Variants in MAML2 observed in about 807,000 individuals in gnomAD.
MAML2 encodes mastermind-like protein 2.
In MAML2, 22 loss-of-function variants were observed where a neutral mutation model predicts 96.1. The observed-to-expected ratio is 0.23, with a 90% CI of 0.16 to 0.33. The LOEUF is 0.33. MAML2 is among the 10% of genes least tolerant of loss of function. MAML2 has a pLI of 1.00. For synonymous variants in MAML2, 561 were observed against 521.3 expected, an observed-to-expected ratio of 1.08 and a Z score of -1.04; for missense variants, 1,367 against 1,392.4, an observed-to-expected ratio of 0.98 and a Z score of 0.29.
At chr11:96,132,144 T>C (rs1860557877) in intron 1 of MAML2, among the ~76,000 whole-genome samples, 1 of 152,326 alleles carries the variant, frequency 6.6e-6, no homozygotes, top group South Asian at 2.1e-4. Context: ...CATATTTTGT[T>C]CTCACCCATG....
At chr11:96,153,766 C>T (rs1419003690) in intron 1 of MAML2, among the ~76,000 whole-genome samples, 1 of 152,042 alleles carries the variant, frequency 6.6e-6, no homozygotes, top group African/African-American at 2.4e-5. Context: ...AAAAAATTTG[C>T]TGTGTGTGGT....
intron 1 of MAML2, among the ~76,000 whole-genome samples, chr11:96,287,009 C>A (rs781390883): frequency 6.6e-6 from 1 of 151,990 alleles, no homozygotes; most frequent in African/African-American, 2.4e-5. Context: ...CAGCCTGATG[C>A]GCTGCTCTAG....
At chr11:96,158,812 C>G (rs1448560696) in intron 1 of MAML2, among the ~76,000 whole-genome samples, 2 of 152,182 alleles carry the variant, frequency 1.3e-5, no homozygotes, top group Non-Finnish European at 2.9e-5. Flanking sequence ...GATAAGGCTT[C>G]ATCGTCCCAG....
intron 1 of MAML2, among the ~76,000 whole-genome samples, chr11:96,304,772 C>G (rs1005502302): frequency 6.6e-6 from 1 of 152,106 alleles, no homozygotes; most frequent in African/African-American, 2.4e-5. Context: ...AGAAACATAG[C>G]CCAAATCACA....
intron 2 of MAML2, among the ~76,000 whole-genome samples, chr11:96,011,467 A>C (rs1455356087): frequency 6.6e-6 from 1 of 152,212 alleles, no homozygotes; most frequent in East Asian, 1.9e-4. Context: ...TGAACACAGA[A>C]AGAAAAACCA....
intron 1 of MAML2, among the ~76,000 whole-genome samples, chr11:96,186,635 T>C (rs1861582563): frequency 6.6e-6 from 1 of 152,212 alleles, no homozygotes; most frequent in South Asian, 2.1e-4. Context: ...TGATAATTAT[T>C]TTGTGAATGT....
rs1260020087 is a variant in MAML2, at chr11:96,093,460, G to T, written c.571C>A (p.Arg191=). The change falls in exon 2 of 5, where the codon CGA becomes AGA. Residue 191 remains arginine (R), a synonymous_variant. Transcript: ENST00000524717. ...GAGTTGTCCACAAAGCCATTGGGTCGCTTGCTGTTGGCAGGAGATAGGTTA... is the reference window on the plus strand; with the variant it reads ...GAGTTGTCCACAAAGCCATTGGGTCTCTTGCTGTTGGCAGGAGATAGGTTA... ...VVNLSPANSK[R]PNGFVDNSFL... 12 of 1,613,888 alleles carry T rather than the reference G, an allele frequency of 7.4e-6. No homozygotes were observed. The highest frequency in any genetic ancestry group is 1.6e-4 in the Middle Eastern group (1 of 6,062).
chr11:96,201,823 G>T (rs1360618567), intron 1 of MAML2, among the ~76,000 whole-genome samples: 1 of 151,874 alleles, frequency 6.6e-6, no homozygotes, highest in African/African-American at 2.4e-5. Flanking sequence ...TGAGGCTGAG[G>T]CAGGAGAGTG....
rs1163317187 is a variant in MAML2, at chr11:96,342,255, G to T, written c.-360C>A. ...GTACTTTGTAAACACACGATCTGGG[G>T]GTTAGATCAAGAATTCAGGGATTGT... On this transcript the variant is annotated 5_prime_UTR_variant, in exon 1 of 5. Transcript: ENST00000524717. 9.1e-6 allele frequency: 4 copies of T among 438,652 alleles called. No homozygotes were observed. Among genetic ancestry groups the T allele is most frequent in the African/African-American group, 8.0e-5 (4 of 49,794 alleles). 27.2% of individuals were successfully genotyped at this position (438,652 alleles called of 1,614,324 possible). A position where few individuals can be genotyped will look rare whatever the true frequency, so the allele number is the denominator to read the frequency against.
At chr11:96,123,999 G>A (rs1434754990) in intron 1 of MAML2, among the ~76,000 whole-genome samples, 1 of 151,700 alleles carries the variant, frequency 6.6e-6, no homozygotes, top group Non-Finnish European at 1.5e-5. Flanking sequence ...GACCCCGGGA[G>A]GCGGAGGTTG....
chr11:96,316,262 G>A (rs1422801307), intron 1 of MAML2, among the ~76,000 whole-genome samples: 1 of 152,154 alleles, frequency 6.6e-6, no homozygotes, highest in Non-Finnish European at 1.5e-5. Flanking sequence ...GCACTCTGGT[G>A]GGTACTGCAG....
intron 1 of MAML2, among the ~76,000 whole-genome samples, chr11:96,222,615 C>T (rs117791682): frequency 0.011 from 1,685 of 152,300 alleles, 9 homozygotes; most frequent in Middle Eastern, 0.017. Context: ...GCCAAGCTTC[C>T]ATTTTGCTAC....
rs150561727 is a variant in MAML2 at position 96,097,727 on chromosome 11, C to A, written c.514-4210G>T. Among the ~76,000 whole-genome samples the A allele has an allele frequency of 3.4e-3, 519 of 152,228 alleles. 4 individuals are homozygous for A. Among genetic ancestry groups the A allele is most frequent in the African/African-American group, 0.012 (502 of 41,530 alleles). On this transcript the variant is annotated intron_variant, in intron 1 of 4. Transcript: ENST00000524717. ...TTAATATTTTTTAAGGAATAAGGGG[C>A]TTCAAAGGCAAGGGTACCTATGTTC...
chr11:96,230,344 AT>A (rs1164403416), intron 1 of MAML2, among the ~76,000 whole-genome samples: 16 of 152,220 alleles, frequency 1.1e-4, no homozygotes, highest in African/African-American at 3.9e-4. Context: ...ATCTATATAT[AT>A]TTGTACATCT....
At chr11:96,217,808 T>A (rs1862072557) in intron 1 of MAML2, among the ~76,000 whole-genome samples, 1 of 152,208 alleles carries the variant, frequency 6.6e-6, no homozygotes, top group Non-Finnish European at 1.5e-5. Context: ...GTCTTGACCA[T>A]TCATCCTTAA....
intron 1 of MAML2, among the ~76,000 whole-genome samples, chr11:96,180,982 T>G (rs1263654148): frequency 6.7e-6 from 1 of 148,674 alleles, no homozygotes; most frequent in Non-Finnish European, 1.5e-5. Flanking sequence ...CGCAAGGTGC[T>G]CAGTGGGGGT....
chr11:95,990,981 G>A (rs1182155815), intron 3 of MAML2, among the ~76,000 whole-genome samples: 1 of 151,796 alleles, frequency 6.6e-6, no homozygotes, highest in African/African-American at 2.4e-5. Flanking sequence ...AAAAGTAGTG[G>A]CAAAAATCGC....
chr11:96,261,935 G>T (rs12788415), intron 1 of MAML2, among the ~76,000 whole-genome samples: 48 of 152,162 alleles, frequency 3.2e-4, no homozygotes, highest in South Asian at 2.1e-3. Context: ...TATTTGATAC[G>T]GTCAGAATTC....
At chr11:96,068,913 TC>T (rs1859292745) in intron 2 of MAML2, among the ~76,000 whole-genome samples, 1 of 123,162 alleles carries the variant, frequency 8.1e-6, no homozygotes. Flanking sequence ...CCTTCTTCCC[TC>T]CTTTTTTTTT....
Sources: gnomAD v4.1 joint callset for allele counts (sites outside exome capture counted in the v4.1 genomes callset) on GRCh38, gnomAD v4.1.1 for gene constraint, MANE v1.5 for transcripts, NCBI Gene and HGNC (gene_info 2026-07-23, HGNC 2026-07-21) for gene names.